The following TLE7 variants were observed in gnomAD, a reference collection of about 807,000 sequenced individuals.
The protein encoded by TLE7 is TLE family member 7.
rs1430544436 is a variant in TLE7, at chr16:71,432,178, T to C, written c.541A>G (p.Ile181Val). ...HHVYTCGSGYIRVWDESALHA... is the reference protein window; with the variant it reads ...HHVYTCGSGYVRVWDESALHA... ...AGCGCACTCTCATCCCATACCCTGA[T>C]GTAGCCAGAGCCACACGTGTACACG... The change falls in exon 5 of 10, where the codon ATC (isoleucine) becomes GTC (valine). Residue 181 changes from isoleucine to valine, a missense_variant. By Grantham distance (29) the Ile-to-Val change is conservative. Coordinates refer to ENST00000561754, the MANE Select transcript of TLE7 (RefSeq NM_001367365.2). 7.5e-6 allele frequency: 3 copies of C among 400,838 alleles called. No homozygotes were observed. Among genetic ancestry groups the C allele is most frequent in the Non-Finnish European group, 1.3e-5 (3 of 226,372 alleles). The allele number at this position is 400,838 out of a possible 1,614,324, so 24.8% of individuals were successfully genotyped here.
In TLE7 at chr16:71,433,383, G is replaced by A. The variant is rs963629826; in HGVS notation, c.-59C>T. 7.5e-6 allele frequency: 3 copies of A among 398,298 alleles called. No homozygotes were observed. Among genetic ancestry groups the A allele is most frequent in the South Asian group, 1.3e-4 (1 of 7,720 alleles). 24.7% of individuals were successfully genotyped at this position (398,298 alleles called of 1,614,324 possible). On this transcript the variant is annotated 5_prime_UTR_variant, in exon 2 of 10. Transcript: ENST00000561754. Reference sequence around the variant, plus strand: ...GTTCTAGGACTTGACAAATAGACCCGCCAAACAGACACCAGGTTCCCAGTG... The same window carrying A: ...GTTCTAGGACTTGACAAATAGACCCACCAAACAGACACCAGGTTCCCAGTG...
rs1450733585 is a variant in TLE7 at position 71,430,126 on chromosome 16, C to T, written c.*136G>A. ...GGGAGTGCAGGCTGAGAGCGGGCTA[C>T]TGGAGGGGAGGGATGACCCAAGCTA... On this transcript the variant is annotated 3_prime_UTR_variant, in exon 10 of 10. Transcript: ENST00000561754. 2.5e-6 allele frequency: 1 copy of T among 396,298 alleles called. No individual in the cohort carries two copies. Among genetic ancestry groups the T allele is most frequent in the African/African-American group, 2.1e-5 (1 of 48,590 alleles). 24.5% of individuals were successfully genotyped at this position (396,298 alleles called of 1,614,324 possible). A position where few individuals can be genotyped will look rare whatever the true frequency, so the allele number is the denominator to read the frequency against.
intron 1 of TLE7, among the ~76,000 whole-genome samples, chr16:71,435,712 A>T (rs983071043): frequency 2.0e-5 from 3 of 152,228 alleles, no homozygotes; most frequent in African/African-American, 7.2e-5. Context: ...AACCTATGTT[A>T]AAAATGGTTG....
At chr16:71,440,482 GAA>G (rs35302768) in intron 1 of TLE7, among the ~76,000 whole-genome samples, 3 of 149,504 alleles carry the variant, frequency 2.0e-5, no homozygotes, top group Admixed American at 6.7e-5. Context: ...CGCCTCAAAA[GAA>G]AAAAAAAATA....
intron 4 of TLE7, 92 bp from the exon 5 acceptor site, chr16:71,432,417 C>T (rs1381541116): frequency 4.9e-6 from 1 of 204,300 alleles, no homozygotes; most frequent in Non-Finnish European, 9.0e-6. Flanking sequence ...CTTAACCACC[C>T]ACCCATCCAC....
intron 1 of TLE7, among the ~76,000 whole-genome samples, chr16:71,434,275 A>G (rs963636194): frequency 6.6e-6 from 1 of 152,212 alleles, no homozygotes; most frequent in African/African-American, 2.4e-5. Flanking sequence ...TCAATAGAAG[A>G]TAGTACACTT....
At position 71,433,085 on chromosome 16, in the gene TLE7, C is replaced by T. The variant is rs2042813618; in HGVS notation, c.240G>A (p.Leu80=). ...CAGCGGCCTGGAGCTCAGATCTACC[C>T]AGGCCCTGGAGGTGCCACTGCTGCT... is the stretch of plus-strand genomic sequence containing the variant. ...VTQQQWHLQG[L]GRSELQAAGL... is the part of the protein sequence containing the mutation. Residue 80 remains leucine (L), a synonymous_variant, in exon 2 of 10, where the codon CTG becomes CTA. Transcript: ENST00000561754. The T allele has an allele frequency of 2.5e-6, 1 of 398,802 alleles. No homozygotes were observed. Among genetic ancestry groups the T allele is most frequent in the Non-Finnish European group, 4.4e-6 (1 of 226,294 alleles). 24.7% of individuals were successfully genotyped at this position (398,802 alleles called of 1,614,324 possible).
intron 1 of TLE7, among the ~76,000 whole-genome samples, chr16:71,434,064 T>C (rs963497854): frequency 6.6e-6 from 1 of 152,206 alleles, no homozygotes; most frequent in African/African-American, 2.4e-5. Flanking sequence ...ATACAACATG[T>C]GTCTCTCACC....
intron 1 of TLE7, among the ~76,000 whole-genome samples, chr16:71,434,713 G>C (rs532898574): frequency 6.6e-6 from 1 of 152,110 alleles, no homozygotes; most frequent in African/African-American, 2.4e-5. Context: ...GAGAGCACTG[G>C]GTCCATGATC....
chr16:71,439,274 G>A (rs552145476), intron 1 of TLE7, among the ~76,000 whole-genome samples: 5 of 152,334 alleles, frequency 3.3e-5, no homozygotes, highest in Admixed American at 6.5e-5. Context: ...TAGGGAGTAC[G>A]TAAGGTCAGA....
chr16:71,441,204 C>A (rs900474902), intron 1 of TLE7, among the ~76,000 whole-genome samples: 1 of 152,220 alleles, frequency 6.6e-6, no homozygotes, highest in African/African-American at 2.4e-5. Context: ...ACAATGTGGG[C>A]CTCGCAGCAG....
intron 1 of TLE7, 114 bp from the exon 2 acceptor site, chr16:71,433,534 T>C (rs1272558718): frequency 7.7e-6 from 3 of 390,586 alleles, no homozygotes; most frequent in South Asian, 1.4e-4. Context: ...GGTTGCCAAC[T>C]AGCTTTTCAC....
In TLE7 at chr16:71,431,613, G is replaced by C. The variant is rs56369753; in HGVS notation, c.852-51C>G. 23 of 400,436 alleles carry C rather than the reference G, an allele frequency of 5.7e-5. No homozygotes were observed. Among genetic ancestry groups the C allele is most frequent in the African/African-American group, 4.3e-4 (21 of 48,672 alleles). The allele number at this position is 400,436 out of a possible 1,614,324, so 24.8% of individuals were successfully genotyped here. On this transcript the variant is annotated intron_variant, in intron 6 of 9. Coordinates refer to ENST00000561754, the MANE Select transcript of TLE7 (RefSeq NM_001367365.2). The surrounding 1 kb of genome is among the most constrained non-coding windows in gnomAD (Gnocchi z 4.5). ...GGGTCACTGAATGGTTTGGGCCCCC[G>C]GGAAGTTTCAGGGTCAGGAAGCCCC...
intron 1 of TLE7, among the ~76,000 whole-genome samples, chr16:71,439,563 G>A (rs1390114940): frequency 6.6e-6 from 1 of 151,922 alleles, no homozygotes; most frequent in Non-Finnish European, 1.5e-5. Context: ...TCTAGGGATA[G>A]AATGGGGGGA....
chr16:71,433,515 C>CAAAAG (rs2042815446), intron 1 of TLE7, 95 bp from the exon 2 acceptor site: 2 of 395,016 alleles, frequency 5.1e-6, no homozygotes, highest in Admixed American at 4.4e-5. Context: ...TGAAAAGATT[C>CAAAAG]AAAAGAGTGG....
chr16:71,438,312 C>T (rs1411351179), intron 1 of TLE7, among the ~76,000 whole-genome samples: 3 of 151,640 alleles, frequency 2.0e-5, no homozygotes, highest in African/African-American at 7.3e-5. Context: ...GCCTATCATC[C>T]CAGCTACTCA....
chr16:71,433,113 G>A lies in TLE7; in HGVS notation c.212C>T (p.Thr71Ile). ...GCCCTGGAGGTGCCACTGCTGCTGG[G>A]TCACCGTGCTTGTCTCTTGATCAGC... ...SPADQETSTV[T>I]QQQWHLQGLG... The change falls in exon 2 of 10, where the codon ACC becomes ATC. Residue 71 changes from threonine (T) to isoleucine (I), a missense_variant. By Grantham distance (89) the Thr-to-Ile change is moderately conservative. Transcript: ENST00000561754. 1 of 398,810 alleles carries A rather than the reference G, an allele frequency of 2.5e-6. No individual in the cohort carries two copies. The highest frequency in any genetic ancestry group is 4.4e-6 in the Non-Finnish European group (1 of 226,226). 24.7% of individuals were successfully genotyped at this position (398,810 alleles called of 1,614,324 possible).
chr16:71,440,561 T>C (rs947259496), intron 1 of TLE7, among the ~76,000 whole-genome samples: 2 of 152,238 alleles, frequency 1.3e-5, no homozygotes, highest in African/African-American at 4.8e-5. Flanking sequence ...CATGGGGTCA[T>C]GAGTTAGGGG....
chr16:71,439,076 TGAG>T (rs780160138), intron 1 of TLE7, among the ~76,000 whole-genome samples: 20 of 152,148 alleles, frequency 1.3e-4, no homozygotes, highest in Non-Finnish European at 2.9e-4. Flanking sequence ...TGCTGGGCAC[TGAG>T]GAGATGAGGC....
Sources: allele counts gnomAD v4.1 joint callset (sites outside exome capture counted in the v4.1 genomes callset), GRCh38; gene constraint gnomAD v4.1.1; non-coding constraint Gnocchi (gnomAD v3.1); transcripts MANE v1.5; gene names NCBI Gene and HGNC (gene_info 2026-07-23, HGNC 2026-07-21).